Variants in ARMC9 observed in about 807,000 individuals in gnomAD.
The protein encoded by ARMC9 is lisH domain-containing protein ARMC9.
In ARMC9, 94 loss-of-function variants were observed where a neutral mutation model predicts 107.0. The ratio of observed to expected loss-of-function variants is 0.88; its 90% confidence interval spans 0.74 to 1.04. The LOEUF (loss-of-function observed/expected upper bound fraction) is 1.04. ARMC9 is among the 50% of genes least tolerant of loss of function. ARMC9 has a pLI of 0.00. For missense variants in ARMC9, 942 were observed against 1,030.1 expected (o/e 0.91, Z 1.17); for synonymous variants, 380 against 396.9 (o/e 0.96, Z 0.51).
chr2:231,360,969 A>ACT lies in ARMC9; in HGVS notation c.2261+87_2261+88insTC. 7.0e-7 allele frequency: 1 copy of ACT among 1,438,170 alleles called. No individual in the cohort carries two copies. The highest frequency in any genetic ancestry group is 9.1e-7 in the Non-Finnish European group (1 of 1,099,744). The allele number at this position is 1,438,170 out of a possible 1,614,324, so 89.1% of individuals were successfully genotyped here. On this transcript the variant is annotated intron_variant, in intron 23 of 24. Coordinates refer to ENST00000611582, the MANE Select transcript of ARMC9 (RefSeq NM_001352754.2). This position sits in a 1 kb window ranked among gnomAD's most constrained non-coding sequence, Gnocchi z 4.7. Reference sequence around the variant, plus strand: ...ACGCCGGATGCAGAGCACCCAGGAGACCTGGAAGGCTCCTCTGAGGCCCAG... The same window carrying ACT: ...ACGCCGGATGCAGAGCACCCAGGAGACTCCTGGAAGGCTCCTCTGAGGCCCAG...
At chr2:231,279,770 A>G (rs935912677) in intron 16 of ARMC9, among the ~76,000 whole-genome samples, 2 of 152,020 alleles carry the variant, frequency 1.3e-5, no homozygotes, top group Admixed American at 1.3e-4. Context: ...TCGGCCTCCC[A>G]AAATGCTGGG....
rs1274294883 is a variant in ARMC9 at position 231,251,734 on chromosome 2, A to T, written c.880-4852A>T. On this transcript the variant is annotated intron_variant, in intron 9 of 24. Coordinates refer to ENST00000611582, the MANE Select transcript of ARMC9 (RefSeq NM_001352754.2). The stretch of plus-strand genomic sequence containing the variant: ...TGCAGCCTTCTCTCCTTATTTTATT[A>T]TTTTTTTTTGAGACAGGGTCTTGCT... Among the ~76,000 whole-genome samples the T allele has an allele frequency of 4.7e-5, 7 of 150,486 alleles. 1 individual carries two copies. Among genetic ancestry groups the T allele is most frequent in the South Asian group, 4.2e-4 (2 of 4,710 alleles).
At position 231,198,653 on chromosome 2, in the gene ARMC9, T is replaced by G. The variant is rs901452726; in HGVS notation, c.-87T>G. 5 of 151,826 alleles carry G rather than the reference T, an allele frequency of 3.3e-5. No homozygotes were observed. Among genetic ancestry groups the G allele is most frequent in the Non-Finnish European group, 5.9e-5 (4 of 67,916 alleles). 9.4% of individuals were successfully genotyped at this position (151,826 alleles called of 1,614,324 possible). A position where few individuals can be genotyped will look rare whatever the true frequency, so the allele number is the denominator to read the frequency against. On this transcript the variant is annotated 5_prime_UTR_variant, in exon 1 of 25. Transcript: ENST00000611582. ...GTTGCCCGGGTGACGGCTGCGGAGGTGGCGGCCGGGCTGGGATAGCGCGAG... is the reference window on the plus strand; with the variant it reads ...GTTGCCCGGGTGACGGCTGCGGAGGGGGCGGCCGGGCTGGGATAGCGCGAG...
At chr2:231,224,941 A>G (rs941331957) in intron 6 of ARMC9, among the ~76,000 whole-genome samples, 2 of 152,242 alleles carry the variant, frequency 1.3e-5, no homozygotes, top group African/African-American at 4.8e-5. Flanking sequence ...TTACTGGAGC[A>G]GAGTATTGGC....
intron 19 of ARMC9, among the ~76,000 whole-genome samples, chr2:231,320,731 T>C (rs980057026): frequency 6.6e-6 from 1 of 152,278 alleles, no homozygotes; most frequent in East Asian, 1.9e-4. Flanking sequence ...AGGCATCTTA[T>C]TGGCAGGTGA....
At chr2:231,223,676 A>C (rs17586666) in intron 6 of ARMC9, among the ~76,000 whole-genome samples, 18,281 of 152,096 alleles carry the variant, frequency 0.12, 2,149 homozygotes, top group African/African-American at 0.29. Context: ...GACCTAATTG[A>C]GGTTTTATTT....
rs2045519832 is a variant in ARMC9 at position 231,360,395 on chromosome 2, A to G, written c.2132-359A>G. Among the ~76,000 whole-genome samples the G allele has an allele frequency of 6.6e-6, 1 of 152,210 alleles. No homozygotes were observed. Among genetic ancestry groups the G allele is most frequent in the African/African-American group, 2.4e-5 (1 of 41,452 alleles). ...ACCCAGTTACATTTGAGTTTCAGAT[A>G]AGCAAATGGGCCTCCACATTCTGTC... On this transcript the variant is annotated intron_variant, in intron 22 of 24. Coordinates refer to ENST00000611582, the MANE Select transcript of ARMC9 (RefSeq NM_001352754.2). This position sits in a 1 kb window ranked among gnomAD's most constrained non-coding sequence, Gnocchi z 4.7.
intron 12 of ARMC9, 168 bp from the exon 13 acceptor site, chr2:231,270,814 A>T: frequency 1.4e-6 from 1 of 719,034 alleles, no homozygotes; most frequent in Non-Finnish European, 2.5e-6. Context: ...GTCTCATCAA[A>T]TTTCAGTTGG....
chr2:231,309,951 T>A (rs1348223243), intron 19 of ARMC9, among the ~76,000 whole-genome samples: 1 of 152,184 alleles, frequency 6.6e-6, no homozygotes, highest in Non-Finnish European at 1.5e-5. Flanking sequence ...GCCATCCATG[T>A]TATGTAAAAT....
At chr2:231,230,602 T>A (rs771485847) in intron 7 of ARMC9, among the ~76,000 whole-genome samples, 8 of 152,136 alleles carry the variant, frequency 5.3e-5, no homozygotes, top group African/African-American at 1.9e-4. Flanking sequence ...TATACAGTTG[T>A]CCCTCAGTAT....
rs1413212681 is a variant in ARMC9 at position 231,309,646 on chromosome 2, C to T, written c.1773+13393C>T. ...TGCTGTTCCTTGCAACTTCAGAATT[C>T]GAGGCATCTAGGGCATAGATGTCTT... On this transcript the variant is annotated intron_variant, in intron 19 of 24. Transcript: ENST00000611582. Among the ~76,000 whole-genome samples, 7 of 151,836 alleles carry T rather than the reference C, an allele frequency of 4.6e-5. 1 individual carries two copies. The highest frequency in any genetic ancestry group is 1.7e-4 in the African/African-American group (7 of 41,316).
At chr2:231,263,251 C>A (rs1445047526) in intron 12 of ARMC9, among the ~76,000 whole-genome samples, 1 of 152,188 alleles carries the variant, frequency 6.6e-6, no homozygotes, top group Non-Finnish European at 1.5e-5. Context: ...TGGACACTCA[C>A]CGATTAAACA....
chr2:231,244,651 T>C (rs1441434578), intron 9 of ARMC9, among the ~76,000 whole-genome samples: 1 of 152,210 alleles, frequency 6.6e-6, no homozygotes, highest in Non-Finnish European at 1.5e-5. Context: ...ATTACAGGTG[T>C]GAGCCACCAC....
Position 231,375,596 on chromosome 2 carries a change from G to T in ARMC9, c.*4061G>T, listed in dbSNP as rs1466888275. Among the ~76,000 whole-genome samples, 1 of 152,192 alleles carries T rather than the reference G, an allele frequency of 6.6e-6. No homozygotes were observed. The highest frequency in any genetic ancestry group is 2.4e-5 in the African/African-American group (1 of 41,440). On this transcript the variant is annotated 3_prime_UTR_variant, in exon 25 of 25. Coordinates refer to ENST00000611582, the MANE Select transcript of ARMC9 (RefSeq NM_001352754.2). The surrounding 1 kb of genome is among the most constrained non-coding windows in gnomAD (Gnocchi z 4.3). ...CAGATGTGGAGACATGGTCCCACTG[G>T]CTTTCAAGTTGCCATCCATCTTCTA... is the stretch of plus-strand genomic sequence containing the variant.
chr2:231,217,194 C>G (rs989919506), intron 5 of ARMC9, among the ~76,000 whole-genome samples: 1 of 152,122 alleles, frequency 6.6e-6, no homozygotes. Flanking sequence ...AATCTTAAGC[C>G]AGATACAAGA....
chr2:231,303,128 G>A (rs2041856323), intron 19 of ARMC9, among the ~76,000 whole-genome samples: 1 of 152,172 alleles, frequency 6.6e-6, no homozygotes, highest in Non-Finnish European at 1.5e-5. Flanking sequence ...CTAATGTATA[G>A]AAATACAATT....
rs1402628109 is a variant in ARMC9, at chr2:231,372,814, C to CTGATCT, written c.*1280_*1285dup. On this transcript the variant is annotated 3_prime_UTR_variant, in exon 25 of 25. Transcript: ENST00000611582. ...AAGTCGCGTGCCCTCCCCCAGGCAC[C>CTGATCT]TGATCTGCCCACAGACCCTTCAATG... 6.6e-6 allele frequency: 1 copy of CTGATCT among 152,162 alleles called. No individual in the cohort carries two copies. The highest frequency in any genetic ancestry group is 1.5e-5 in the Non-Finnish European group (1 of 68,616). The allele number at this position is 152,162 out of a possible 1,614,324, so 9.4% of individuals were successfully genotyped here.
intron 9 of ARMC9, among the ~76,000 whole-genome samples, chr2:231,248,760 T>G (rs1299251744): frequency 1.5e-5 from 2 of 135,410 alleles, no homozygotes; most frequent in Non-Finnish European, 3.0e-5. Flanking sequence ...TTAGCCGAGA[T>G]CATGCTGCTG....
At chr2:231,250,437 C>G (rs2037191514) in intron 9 of ARMC9, among the ~76,000 whole-genome samples, 1 of 152,182 alleles carries the variant, frequency 6.6e-6, no homozygotes, top group Admixed American at 6.5e-5. Context: ...TGGGCAAAAC[C>G]ACTCCCAGCT....
Sources: allele counts gnomAD v4.1 joint callset (sites outside exome capture counted in the v4.1 genomes callset), GRCh38; gene constraint gnomAD v4.1.1; non-coding constraint Gnocchi (gnomAD v3.1); transcripts MANE v1.5; gene names NCBI Gene and HGNC (gene_info 2026-07-23, HGNC 2026-07-21).